TRIO: variants seen among roughly 807,000 people sequenced by gnomAD.
TRIO encodes trio Rho guanine nucleotide exchange factor, also known as triple functional domain protein.
A neutral mutation model predicts 351.9 loss-of-function variants in TRIO; 58 were observed. The observed-to-expected ratio is 0.16, with a 90% CI of 0.13 to 0.21. TRIO has a LOEUF of 0.21. TRIO is among the 10% of genes least tolerant of loss of function. TRIO has a pLI of 1.00. For missense variants in TRIO, 3,201 were observed against 4,027.8 expected, an observed-to-expected ratio of 0.79 and a Z score of 5.56; for synonymous variants, 1,758 against 1,595.7, an observed-to-expected ratio of 1.10 and a Z score of -2.42.
intron 2 of TRIO, among the ~76,000 whole-genome samples, chr5:14,275,126 T>C (rs1735383965): frequency 6.6e-6 from 1 of 152,344 alleles, no homozygotes; most frequent in Non-Finnish European, 1.5e-5. Flanking sequence ...ATTATAGATA[T>C]TTCATTTTAC....
chr5:14,366,257 C>T (rs1385513740), intron 15 of TRIO, among the ~76,000 whole-genome samples: 1 of 152,124 alleles, frequency 6.6e-6, no homozygotes, highest in Non-Finnish European at 1.5e-5. Flanking sequence ...CACTGCCACA[C>T]CTTACTATCC....
chr5:14,196,161 C>G (rs977713860), intron 1 of TRIO, among the ~76,000 whole-genome samples: 1 of 152,112 alleles, frequency 6.6e-6, no homozygotes, highest in African/African-American at 2.4e-5. Context: ...TGGCTCATGT[C>G]TGTAATTCCA....
chr5:14,239,071 C>G (rs1051805763), intron 1 of TRIO, among the ~76,000 whole-genome samples: 2 of 152,138 alleles, frequency 1.3e-5, no homozygotes, highest in Non-Finnish European at 1.5e-5. Flanking sequence ...ATTGTTGGCT[C>G]TAGGCTTGAG....
chr5:14,420,902 T>C (rs1376589993), intron 34 of TRIO: 1 of 152,290 alleles, frequency 6.6e-6, no homozygotes, highest in African/African-American at 2.4e-5. Flanking sequence ...TGGTGTGTTC[T>C]TACTTCCTGG....
At chr5:14,253,895 G>A (rs894435461) in intron 1 of TRIO, among the ~76,000 whole-genome samples, 22 of 152,070 alleles carry the variant, frequency 1.4e-4, no homozygotes, top group African/African-American at 5.3e-4. Flanking sequence ...AAACATAAGT[G>A]AGAGTTAAGA....
chr5:14,373,026 G>A (rs551754221), intron 18 of TRIO, among the ~76,000 whole-genome samples: 60 of 152,292 alleles, frequency 3.9e-4, no homozygotes, highest in African/African-American at 1.3e-3. Context: ...TTCACATGGC[G>A]CGGGAAGTAG....
chr5:14,255,842 T>C (rs1198037536), intron 1 of TRIO, among the ~76,000 whole-genome samples: 1 of 152,216 alleles, frequency 6.6e-6, no homozygotes, highest in Non-Finnish European at 1.5e-5. Flanking sequence ...TCAAAGACTT[T>C]AGGAATTTGG....
At chr5:14,241,341 G>A (rs1461940536) in intron 1 of TRIO, among the ~76,000 whole-genome samples, 2 of 152,162 alleles carry the variant, frequency 1.3e-5, no homozygotes, top group African/African-American at 4.8e-5. Context: ...GGGGAAATGA[G>A]GTAGAAATTA....
rs369411504 is a variant in TRIO at position 14,146,265 on chromosome 5, C to G, written c.157+2383C>G. On this transcript the variant is annotated intron_variant, in intron 1 of 56. Coordinates refer to ENST00000344204, the MANE Select transcript of TRIO (RefSeq NM_007118.4). ...TGGAGCAGTCAAATCCATCAGAAAT[C>G]TGGCTTTCTTTTCTAAGACTCAGAA... Among the ~76,000 whole-genome samples the G allele has an allele frequency of 2.0e-5, 3 of 152,294 alleles. No individual in the cohort carries two copies. In the East Asian group the frequency reaches 5.8e-4, roughly 29 times the overall value.
intron 41 of TRIO, chr5:14,477,261 G>T: frequency 3.8e-6 from 1 of 263,060 alleles, no homozygotes. Context: ...AGGTATTGTT[G>T]AGTGGAGATG....
intron 11 of TRIO, among the ~76,000 whole-genome samples, chr5:14,341,919 A>C (rs1741971304): frequency 6.6e-6 from 1 of 152,228 alleles, no homozygotes; most frequent in South Asian, 2.1e-4. Context: ...CTGAACTGGG[A>C]CAAGTTTTTG....
intron 2 of TRIO, among the ~76,000 whole-genome samples, chr5:14,272,106 C>T (rs558654205): frequency 2.0e-5 from 3 of 152,274 alleles, no homozygotes; most frequent in African/African-American, 7.2e-5. Context: ...TTTATTTGCT[C>T]TTCTCTAATC....
intron 2 of TRIO, among the ~76,000 whole-genome samples, chr5:14,276,594 T>G (rs1735540411): frequency 6.6e-6 from 1 of 152,252 alleles, no homozygotes; most frequent in Admixed American, 6.5e-5. Context: ...CAGTGTGAGT[T>G]AGACTGTTCC....
intron 1 of TRIO, among the ~76,000 whole-genome samples, chr5:14,207,389 TA>T (rs1791576143): frequency 1.0e-3 from 12 of 11,738 alleles, no homozygotes; most frequent in South Asian, 8.8e-3. Flanking sequence ...CAAGACTGTC[TA>T]CACACACACA....
intron 1 of TRIO, among the ~76,000 whole-genome samples, chr5:14,209,148 C>G (rs1791723246): frequency 6.6e-6 from 1 of 152,228 alleles, no homozygotes; most frequent in African/African-American, 2.4e-5. Context: ...GTGCCGATAA[C>G]TTACAGGTCT....
intron 9 of TRIO, among the ~76,000 whole-genome samples, chr5:14,326,949 T>G (rs1581625934): frequency 6.6e-6 from 1 of 152,176 alleles, no homozygotes; most frequent in South Asian, 2.1e-4. Context: ...ATTTTAAAAG[T>G]GGAAATTATC....
At chr5:14,507,842 G>A in intron 56 of TRIO, 38 bp from the exon 57 acceptor site, 1 of 1,586,882 alleles carries the variant, frequency 6.3e-7, no homozygotes, top group Non-Finnish European at 8.6e-7. Context: ...GCTTAAGATT[G>A]GATGGTCTGA....
intron 21 of TRIO, 140 bp downstream of exon 21, chr5:14,381,392 C>CAG: frequency 2.7e-5 from 29 of 1,089,522 alleles, no homozygotes; most frequent in Non-Finnish European, 3.3e-5. Context: ...ATGCTTCCTC[C>CAG]TTCCGTTCAC....
chr5:14,189,133 T>C (rs1293310109), intron 1 of TRIO, among the ~76,000 whole-genome samples: 1 of 152,218 alleles, frequency 6.6e-6, no homozygotes, highest in Non-Finnish European at 1.5e-5. Context: ...TTATTTCTAT[T>C]TTTAATATTT....
Sources: allele counts gnomAD v4.1 joint callset (sites outside exome capture counted in the v4.1 genomes callset), GRCh38; gene constraint gnomAD v4.1.1; transcripts MANE v1.5; gene names NCBI Gene and HGNC (gene_info 2026-07-23, HGNC 2026-07-21).